IGF2BP2: variants seen among roughly 807,000 people sequenced by gnomAD.
IGF2BP2 encodes the protein insulin like growth factor 2 mRNA binding protein 2, also known as insulin-like growth factor 2 mRNA-binding protein 2.
Under a neutral mutation model 75.8 loss-of-function variants are expected in IGF2BP2, and 17 were observed. That is an observed-to-expected ratio of 0.22 (90% CI 0.15 to 0.34). IGF2BP2 has a LOEUF of 0.34. Among genes scored for constraint, IGF2BP2 ranks in the 10% least tolerant of loss-of-function variants. The probability of loss-of-function intolerance (pLI) is 1.00; values close to 1 mark genes in which losing one functional copy is unlikely to be tolerated. For missense variants in IGF2BP2, 516 were observed against 772.4 expected (o/e 0.67, Z 3.93); for synonymous variants, 288 against 295.6 (o/e 0.97, Z 0.26).
chr3:185,752,671 C>A (rs1259506275), intron 2 of IGF2BP2, among the ~76,000 whole-genome samples: 1 of 151,972 alleles, frequency 6.6e-6, no homozygotes, highest in Non-Finnish European at 1.5e-5. Context: ...CTCACTGCAA[C>A]CTCCACCTCC....
At chr3:185,687,338 CAAG>C (rs1404513465) in intron 6 of IGF2BP2, 147 bp from the exon 7 acceptor site, 3 of 771,488 alleles carry the variant, frequency 3.9e-6, no homozygotes, top group African/African-American at 1.8e-5. Flanking sequence ...TGCCATTCTC[CAAG>C]AAGGAGGCAA....
chr3:185,713,314 C>T (rs1725092047), intron 2 of IGF2BP2: 4 of 443,414 alleles, frequency 9.0e-6, no homozygotes, highest in Non-Finnish European at 1.8e-5. Context: ...TTGATCTAAA[C>T]AGCTCTGTAA....
intron 2 of IGF2BP2, among the ~76,000 whole-genome samples, chr3:185,719,939 C>G (rs1038407110): frequency 1.4e-4 from 22 of 152,270 alleles, no homozygotes; most frequent in Middle Eastern, 3.4e-3. Context: ...GAAAAGCAAG[C>G]CACACTGAAT....
intron 2 of IGF2BP2, among the ~76,000 whole-genome samples, chr3:185,752,480 T>G (rs1731088631): frequency 6.6e-6 from 1 of 152,188 alleles, no homozygotes; most frequent in African/African-American, 2.4e-5. Flanking sequence ...GCTGAAACAT[T>G]TCCCCCTAAT....
intron 2 of IGF2BP2, among the ~76,000 whole-genome samples, chr3:185,758,954 A>G (rs1288544409): frequency 6.6e-6 from 1 of 152,188 alleles, no homozygotes; most frequent in Admixed American, 6.5e-5. Context: ...GAAGGCCACT[A>G]CTGCTTTTAA....
chr3:185,795,259 C>T (rs1326694670), intron 2 of IGF2BP2, among the ~76,000 whole-genome samples: 1 of 152,170 alleles, frequency 6.6e-6, no homozygotes, highest in African/African-American at 2.4e-5. Context: ...ATTTCATTAG[C>T]AAAATGTCTT....
intron 6 of IGF2BP2, chr3:185,689,036 C>G (rs887210716): frequency 4.1e-6 from 1 of 245,836 alleles, no homozygotes; most frequent in African/African-American, 2.3e-5. Flanking sequence ...TGAGTGGGTT[C>G]TAGGATCCCG....
At chr3:185,769,007 A>G (rs1733495019) in intron 2 of IGF2BP2, among the ~76,000 whole-genome samples, 2 of 152,194 alleles carry the variant, frequency 1.3e-5, no homozygotes, top group Admixed American at 6.5e-5. Context: ...AGCCTGGGCG[A>G]CAGAGTGAGA....
At chr3:185,806,353 T>C (rs898054873) in intron 2 of IGF2BP2, among the ~76,000 whole-genome samples, 1 of 152,198 alleles carries the variant, frequency 6.6e-6, no homozygotes, top group Non-Finnish European at 1.5e-5. Flanking sequence ...AAATTATATT[T>C]ACCCGTAGTG....
chr3:185,763,504 T>C (rs1178823619), intron 2 of IGF2BP2, among the ~76,000 whole-genome samples: 3 of 152,194 alleles, frequency 2.0e-5, no homozygotes, highest in Admixed American at 2.0e-4. Flanking sequence ...TACAAGCTTG[T>C]CTTATCTCCC....
Position 185,729,403 on chromosome 3 carries a change from G to A in IGF2BP2, c.240-31056C>T, listed in dbSNP as rs570226203. ...GTCACTGCAAATAAAACAACTCACA[G>A]TATTTGTTGCCAATGATAAAATTTG... On this transcript the variant is annotated intron_variant, in intron 2 of 15. Coordinates refer to ENST00000382199, the MANE Select transcript of IGF2BP2 (RefSeq NM_006548.6). 2.6e-5 allele frequency among the ~76,000 whole-genome samples: 4 copies of A among 152,264 alleles called. No individual in the cohort carries two copies. The South Asian group carries it at 8.3e-4, about 32-fold the overall frequency.
intron 2 of IGF2BP2, among the ~76,000 whole-genome samples, chr3:185,733,425 C>A (rs1728441168): frequency 6.6e-6 from 1 of 152,134 alleles, no homozygotes; most frequent in African/African-American, 2.4e-5. Context: ...CAAAGGCAGA[C>A]AAAGAAAGCC....
intron 4 of IGF2BP2, among the ~76,000 whole-genome samples, chr3:185,696,068 T>C (rs1722535771): frequency 6.6e-6 from 1 of 152,214 alleles, no homozygotes; most frequent in Non-Finnish European, 1.5e-5. Context: ...ATTACAGGTA[T>C]GAGCCACCAC....
chr3:185,823,458 T>G (rs1206654142), intron 1 of IGF2BP2, among the ~76,000 whole-genome samples: 2 of 152,076 alleles, frequency 1.3e-5, no homozygotes, highest in Non-Finnish European at 2.9e-5. Context: ...TGGGTGGCAT[T>G]ACCGGAAAAA....
Position 185,758,638 on chromosome 3 carries a change from G to C in IGF2BP2, c.240-60291C>G, listed in dbSNP as rs141620117. 2.2e-3 allele frequency among the ~76,000 whole-genome samples: 334 copies of C among 152,342 alleles called. 3 individuals are homozygous for C. The highest frequency in any genetic ancestry group is 7.5e-3 in the African/African-American group (312 of 41,578). ...CTGTGTTAGCACTGCTGCATATCCA[G>C]CAAGACAATCTCAAGGCAGACCTTT... On this transcript the variant is annotated intron_variant, in intron 2 of 15. Coordinates refer to ENST00000382199, the MANE Select transcript of IGF2BP2 (RefSeq NM_006548.6).
chr3:185,704,198 C>A (rs1578030643), intron 2 of IGF2BP2, among the ~76,000 whole-genome samples: 1 of 152,288 alleles, frequency 6.6e-6, no homozygotes, highest in Admixed American at 6.5e-5. Context: ...GGCAGGTATG[C>A]TAACCGGCCC....
At chr3:185,762,958 A>G (rs2149703728) in intron 2 of IGF2BP2, among the ~76,000 whole-genome samples, 1 of 152,344 alleles carries the variant, frequency 6.6e-6, no homozygotes, top group East Asian at 1.9e-4. Flanking sequence ...TTATTTGTTA[A>G]GAAGGTTTAT....
In IGF2BP2 at chr3:185,665,509, G is replaced by A. The variant is rs148318929; in HGVS notation, c.1200+7032C>T. Among the ~76,000 whole-genome samples the A allele has an allele frequency of 3.6e-3, 363 of 99,738 alleles. 3 individuals are homozygous for A. Among genetic ancestry groups the A allele is most frequent in the Non-Finnish European group, 4.8e-3 (221 of 46,236 alleles). 65.4% of individuals were successfully genotyped at this position (99,738 alleles called of 152,430 possible). A position where few individuals can be genotyped will look rare whatever the true frequency, so the allele number is the denominator to read the frequency against. ...GGAGGAGAAGGAGGAGGAGAAGGAG[G>A]AGGAGGAGAAGGAGGAGGAGGAGAA... is the stretch of plus-strand genomic sequence containing the variant. On this transcript the variant is annotated intron_variant, in intron 10 of 15. Coordinates refer to ENST00000382199, the MANE Select transcript of IGF2BP2 (RefSeq NM_006548.6).
At chr3:185,658,221 G>T in intron 11 of IGF2BP2, 120 bp downstream of exon 11, 2 of 1,005,234 alleles carry the variant, frequency 2.0e-6, no homozygotes, top group South Asian at 1.4e-5. Flanking sequence ...GTCACTCCCA[G>T]GACAAACCAG....
Sources: allele counts gnomAD v4.1 joint callset (sites outside exome capture counted in the v4.1 genomes callset), GRCh38; gene constraint gnomAD v4.1.1; transcripts MANE v1.5; gene names NCBI Gene and HGNC (gene_info 2026-07-23, HGNC 2026-07-21).